The following ASIC4 variants were observed in gnomAD, a reference collection of about 807,000 sequenced individuals.
The protein encoded by ASIC4 is acid sensing ion channel subunit family member 4, also known as acid-sensing ion channel 4.
In ASIC4, 28 loss-of-function variants were observed where a neutral mutation model predicts 53.4. The ratio of observed to expected loss-of-function variants is 0.52; its 90% CI spans 0.39 to 0.72. ASIC4 has a LOEUF of 0.72. Ranked by LOEUF, ASIC4 falls within the 30% of genes least tolerant of loss-of-function variation. The pLI, the probability that ASIC4 is intolerant of heterozygous loss-of-function variation, is 0.00. For missense variants in ASIC4, 649 were observed against 729.7 expected, an observed-to-expected ratio of 0.89 and a Z score of 1.27; for synonymous variants, 289 against 301.4, an observed-to-expected ratio of 0.96 and a Z score of 0.43.
rs756303166 is a variant in ASIC4 at position 219,514,915 on chromosome 2, G to A, written c.191G>A (p.Gly64Glu). Residue 64 changes from glycine to glutamate, a missense_variant, in exon 1 of 10, where the codon GGA (glycine) becomes GAA (glutamate). Coordinates refer to ENST00000358078, the MANE Select transcript of ASIC4 (RefSeq NM_018674.6). ...LGRACGPGPH[G>E]LRRTLWALAL... is the part of the protein sequence containing the mutation. ...CGGGCCTGTGGCCCAGGCCCCCACG[G>A]ACTGCGCAGAACCCTGTGGGCACTG... 2 of 1,612,790 alleles carry A rather than the reference G, an allele frequency of 1.2e-6. No homozygotes were observed. Among genetic ancestry groups the A allele is most frequent in the African/African-American group, 2.7e-5 (2 of 74,842 alleles).
intron 1 of ASIC4, among the ~76,000 whole-genome samples, chr2:219,525,931 A>T (rs1694955553): frequency 6.6e-6 from 1 of 152,220 alleles, no homozygotes; most frequent in African/African-American, 2.4e-5. Context: ...AAGTGCCGGG[A>T]CCAGAGGCAG....
intron 1 of ASIC4, among the ~76,000 whole-genome samples, chr2:219,531,270 G>A (rs1229679578): frequency 6.6e-6 from 1 of 152,152 alleles, no homozygotes. Flanking sequence ...TCAGGCTGAA[G>A]CAGGAGGATG....
Position 219,515,043 on chromosome 2 carries a change from G to C in ASIC4, c.319G>C (p.Ala107Pro). 1.2e-6 allele frequency: 2 copies of C among 1,613,758 alleles called. No individual in the cohort carries two copies. Among genetic ancestry groups the C allele is most frequent in the Non-Finnish European group, 1.7e-6 (2 of 1,179,986 alleles). ...GGTGGCAATGGACCCCGCTGCCCCA[G>C]CCCCAGTGGCGGGCTTCCCGGCTGT... is the stretch of plus-strand genomic sequence containing the variant. ...HLVAMDPAAP[A>P]PVAGFPAVTL... Residue 107 changes from alanine (A) to proline (P), a missense_variant, in exon 1 of 10, where the codon GCC becomes CCC. Coordinates refer to ENST00000358078, the MANE Select transcript of ASIC4 (RefSeq NM_018674.6).
At chr2:219,520,272 G>A (rs1694864413) in intron 1 of ASIC4, among the ~76,000 whole-genome samples, 1 of 152,010 alleles carries the variant, frequency 6.6e-6, no homozygotes, top group African/African-American at 2.4e-5. Flanking sequence ...GCCTCTTCCA[G>A]CTGGGCAGTC....
chr2:219,514,642 T>A lies in ASIC4; in HGVS notation c.-83T>A. 2 of 1,612,454 alleles carry A rather than the reference T, an allele frequency of 1.2e-6. No individual in the cohort carries two copies. The highest frequency in any genetic ancestry group is 2.7e-5 in the African/African-American group (2 of 74,974). ...TTAGAAGAGCAGCCGCTGCCACCAC[T>A]GCCACTCGGGAGGGCACCAGGGCTG... On this transcript the variant is annotated 5_prime_UTR_variant, in exon 1 of 10. Coordinates refer to ENST00000358078, the MANE Select transcript of ASIC4 (RefSeq NM_018674.6).
At chr2:219,519,720 A>C (rs1694856393) in intron 1 of ASIC4, among the ~76,000 whole-genome samples, 1 of 152,254 alleles carries the variant, frequency 6.6e-6, no homozygotes, top group Admixed American at 6.5e-5. Context: ...CGTGTTGGAC[A>C]GCGCAGCTCT....
rs1695150260 is a variant in ASIC4 at position 219,537,048 on chromosome 2, T to G, written c.1230-18T>G. On this transcript the variant is annotated intron_variant, in intron 6 of 9. Coordinates refer to ENST00000358078, the MANE Select transcript of ASIC4 (RefSeq NM_018674.6). This position sits in a 1 kb window ranked among gnomAD's most constrained non-coding sequence, Gnocchi z 4.9. Reference sequence around the variant, plus strand: ...GGAAGAGAGGCCCACACGGATACCCTGCTTCCTGTCTCCACAGGGAGAACT... The same window carrying G: ...GGAAGAGAGGCCCACACGGATACCCGGCTTCCTGTCTCCACAGGGAGAACT... 6.2e-7 allele frequency: 1 copy of G among 1,611,930 alleles called. No homozygotes were observed. Among genetic ancestry groups the G allele is most frequent in the Non-Finnish European group, 8.5e-7 (1 of 1,178,260 alleles).
intron 1 of ASIC4, among the ~76,000 whole-genome samples, chr2:219,524,610 C>T (rs964820690): frequency 6.6e-6 from 1 of 152,334 alleles, no homozygotes; most frequent in East Asian, 1.9e-4. Context: ...CTTTGAAGGG[C>T]GCCTGTTGTT....
rs1185366646 is a variant in ASIC4 at position 219,536,324 on chromosome 2, G to A, written c.1230-742G>A. Among the ~76,000 whole-genome samples, 1 of 152,252 alleles carries A rather than the reference G, an allele frequency of 6.6e-6. No individual in the cohort carries two copies. The highest frequency in any genetic ancestry group is 1.5e-5 in the Non-Finnish European group (1 of 68,044). On this transcript the variant is annotated intron_variant, in intron 6 of 9. Coordinates refer to ENST00000358078, the MANE Select transcript of ASIC4 (RefSeq NM_018674.6). This position sits in a 1 kb window ranked among gnomAD's most constrained non-coding sequence, Gnocchi z 4.6. ...CCTGCAGGGGGAGGCAGGAGGGACC[G>A]CCCTGAGGCTTGGGTCTGGTCCCCT...
the ASIC4 span, among the ~76,000 whole-genome samples, chr2:219,507,977 T>G: frequency 1.3e-5 from 2 of 152,092 alleles, no homozygotes; most frequent in African/African-American, 4.8e-5. Context: ...GGGCCAAATG[T>G]GACCTCCCAG....
At position 219,518,708 on chromosome 2, in the gene ASIC4, G is replaced by C. The variant is rs576178064; in HGVS notation, c.582+3402G>C. On this transcript the variant is annotated intron_variant, in intron 1 of 9. Transcript: ENST00000358078. This position sits in a 1 kb window ranked among gnomAD's most constrained non-coding sequence, Gnocchi z 4.8. The stretch of plus-strand genomic sequence containing the variant: ...CCCCACTGCGGCCTGCTCTCAGCCT[G>C]CCCTCTTACTAAAAGGCAGAAATCA... Among the ~76,000 whole-genome samples, 1 of 152,018 alleles carries C rather than the reference G, an allele frequency of 6.6e-6. No homozygotes were observed. The highest frequency in any genetic ancestry group is 1.5e-5 in the Non-Finnish European group (1 of 67,996).
At chr2:219,534,957 T>G (rs1254163002) in intron 5 of ASIC4, among the ~76,000 whole-genome samples, 1 of 151,596 alleles carries the variant, frequency 6.6e-6, no homozygotes, top group East Asian at 1.9e-4. Context: ...TGCTGGGGGG[T>G]TCTGCTTATA....
At chr2:219,532,185 G>A (rs774414742) in intron 3 of ASIC4, 57 bp downstream of exon 3, 3 of 1,608,732 alleles carry the variant, frequency 1.9e-6, no homozygotes, top group Admixed American at 3.3e-5. Flanking sequence ...TGGGCTCAGA[G>A]GGGATGTGGA....
chr2:219,514,122 GGGCAC>G, upstream of ASIC4: 1 of 579,950 alleles, frequency 1.7e-6, no homozygotes, highest in Non-Finnish European at 3.0e-6. Flanking sequence ...TGAGGACCCT[GGGCAC>G]GGCACCCTTC....
At chr2:219,533,237 T>C in intron 5 of ASIC4, 1 of 517,884 alleles carries the variant, frequency 1.9e-6, no homozygotes, top group African/African-American at 1.9e-5. Flanking sequence ...TTTGAGAAAG[T>C]GAAATGACTT....
At chr2:219,520,295 T>TCCTCTCTCCTCTCCCTGCCCC (rs1694864792) in intron 1 of ASIC4, among the ~76,000 whole-genome samples, 1 of 151,890 alleles carries the variant, frequency 6.6e-6, no homozygotes, top group African/African-American at 2.4e-5. Context: ...TCCCCTGCCC[T>TCCTCTCTCCTCTCCCTGCCCC]CCTCTCTCCT....
chr2:219,511,919 C>T (rs536722169), upstream of ASIC4, among the ~76,000 whole-genome samples: 16 of 147,650 alleles, frequency 1.1e-4, no homozygotes, highest in East Asian at 2.6e-3. This position sits in a 1 kb window ranked among gnomAD's most constrained non-coding sequence, Gnocchi z 5.3. Flanking sequence ...AGAGAGGGGA[C>T]GGGGCCAGAG....
In ASIC4 at chr2:219,536,776, C is replaced by T. The variant is rs545065330; in HGVS notation, c.1230-290C>T. 4.6e-5 allele frequency among the ~76,000 whole-genome samples: 7 copies of T among 151,820 alleles called. No individual in the cohort carries two copies. Among genetic ancestry groups the T allele is most frequent in the Admixed American group, 2.6e-4 (4 of 15,272 alleles). On this transcript the variant is annotated intron_variant, in intron 6 of 9. Transcript: ENST00000358078. This position sits in a 1 kb window ranked among gnomAD's most constrained non-coding sequence, Gnocchi z 4.6. ...GGGGTCACTGAAGGGTCCGCAGAGG[C>T]GTAAGGAGGAGGCAAAGGCAACACC...
the ASIC4 span, among the ~76,000 whole-genome samples, chr2:219,507,721 G>A: frequency 1.3e-5 from 2 of 152,138 alleles, no homozygotes; most frequent in African/African-American, 4.8e-5. Context: ...TGCCAGATGA[G>A]CTGGTAATGA....
Sources: gnomAD v4.1 joint callset for allele counts (sites outside exome capture counted in the v4.1 genomes callset) on GRCh38, gnomAD v4.1.1 for gene constraint, Gnocchi (gnomAD v3.1) non-coding constraint, MANE v1.5 for transcripts, NCBI Gene and HGNC (gene_info 2026-07-23, HGNC 2026-07-21) for gene names.